The following ARHGEF26 variants were observed in gnomAD, a reference collection of about 807,000 sequenced individuals.
ARHGEF26 encodes Rho guanine nucleotide exchange factor 26.
ARHGEF26 carries 59 observed loss-of-function variants against 89.4 expected under a neutral mutation model. The observed-to-expected ratio is 0.66, with a 90% CI of 0.54 to 0.82. ARHGEF26 has a LOEUF of 0.82. Among genes scored for constraint, ARHGEF26 ranks in the 40% least tolerant of loss-of-function variants. The pLI is 0.00. For missense variants in ARHGEF26, 1,234 were observed against 1,085.6 expected, an observed-to-expected ratio of 1.14 and a Z score of -1.92; for synonymous variants, 500 against 428.4, an observed-to-expected ratio of 1.17 and a Z score of -2.06.
At chr3:154,143,957 G>T (rs1298295954) in intron 4 of ARHGEF26, among the ~76,000 whole-genome samples, 2 of 152,182 alleles carry the variant, frequency 1.3e-5, no homozygotes, top group South Asian at 2.1e-4. Flanking sequence ...AGGCTCAGTA[G>T]CCCACAGCGG....
At chr3:154,187,230 C>T (rs1408198487) in intron 6 of ARHGEF26, 1 of 983,964 alleles carries the variant, frequency 1.0e-6, no homozygotes, top group Non-Finnish European at 1.2e-6. Context: ...AGGTGTTTTG[C>T]TCATGTATTT....
chr3:154,216,489 T>TC (rs1715738267), intron 9 of ARHGEF26, among the ~76,000 whole-genome samples: 2 of 27,000 alleles, frequency 7.4e-5, no homozygotes, highest in Non-Finnish European at 6.3e-5. Context: ...TTTTTTTTTT[T>TC]TTATTTTTTT....
At chr3:154,165,005 C>G (rs373033240) in intron 6 of ARHGEF26, among the ~76,000 whole-genome samples, 7 of 152,084 alleles carry the variant, frequency 4.6e-5, no homozygotes, top group African/African-American at 1.7e-4. Flanking sequence ...TTTAGGAAGA[C>G]TGGTTTAAAA....
chr3:154,169,553 G>A (rs1012656896), intron 6 of ARHGEF26, among the ~76,000 whole-genome samples: 7 of 152,108 alleles, frequency 4.6e-5, no homozygotes, highest in Non-Finnish European at 8.8e-5. Flanking sequence ...AAAGCATCGT[G>A]CAAAACTGTT....
At position 154,235,767 on chromosome 3, in the gene ARHGEF26, T is replaced by A. The variant is rs190903789; in HGVS notation, c.2091-4603T>A. 1.9e-3 allele frequency among the ~76,000 whole-genome samples: 294 copies of A among 151,970 alleles called. 1 individual carries two copies. Among genetic ancestry groups the A allele is most frequent in the African/African-American group, 7.0e-3 (289 of 41,300 alleles). Reference sequence around the variant, plus strand: ...TCCCTCCTTTTTAAACAAAAAAAAATATATAAAACACTTCAGATTACCCAA... The same window carrying A: ...TCCCTCCTTTTTAAACAAAAAAAAAAATATAAAACACTTCAGATTACCCAA... On this transcript the variant is annotated intron_variant, in intron 11 of 14. Coordinates refer to ENST00000465093, the MANE Select transcript of ARHGEF26 (RefSeq NM_015595.4).
In ARHGEF26 at chr3:154,194,712, T is replaced by C; in HGVS notation, c.1839T>C (p.Val613=). 1 of 1,611,888 alleles carries C rather than the reference T, an allele frequency of 6.2e-7. No individual in the cohort carries two copies. Among genetic ancestry groups the C allele is most frequent in the South Asian group, 1.1e-5 (1 of 90,404 alleles). The change falls in exon 9 of 15, where the codon GTT becomes GTC. Residue 613 remains valine, a synonymous_variant. Coordinates refer to ENST00000465093, the MANE Select transcript of ARHGEF26 (RefSeq NM_015595.4). ...TCTGCAAAAGAGCCTTGAAGGAAGT[T>C]AGCAAGGTAACTGTTGGGTGACAGT... ...YEVCKRALKE[V]SKLVRLCNEG...
chr3:154,124,334 A>G (rs1252105559), intron 2 of ARHGEF26, 76 bp from the exon 3 acceptor site: 1 of 916,676 alleles, frequency 1.1e-6, no homozygotes, highest in South Asian at 1.7e-5. Flanking sequence ...AAATAGCTGT[A>G]TTTTCTATTT....
intron 4 of ARHGEF26, among the ~76,000 whole-genome samples, chr3:154,144,184 C>G (rs1719559388): frequency 2.0e-5 from 3 of 152,170 alleles, no homozygotes; most frequent in African/African-American, 7.2e-5. Context: ...CTCTTAAAAA[C>G]TCTGAAGTTT....
At chr3:154,142,115 G>A (rs1019732533) in intron 4 of ARHGEF26, among the ~76,000 whole-genome samples, 51 of 152,124 alleles carry the variant, frequency 3.4e-4, no homozygotes, top group African/African-American at 1.1e-3. Context: ...TGAAGATGAG[G>A]AAAGTTTTGT....
chr3:154,236,383 A>G (rs1461486778), intron 11 of ARHGEF26, among the ~76,000 whole-genome samples: 1 of 152,248 alleles, frequency 6.6e-6, no homozygotes, highest in Non-Finnish European at 1.5e-5. Context: ...TGCACAAAGC[A>G]GACGCCTTGA....
chr3:154,213,808 T>G (rs1357223115), intron 9 of ARHGEF26, among the ~76,000 whole-genome samples: 1 of 152,150 alleles, frequency 6.6e-6, no homozygotes, highest in African/African-American at 2.4e-5. Flanking sequence ...ATAAATTGTT[T>G]CTTTTTTTTA....
chr3:154,199,769 A>G (rs1426662072), intron 9 of ARHGEF26, among the ~76,000 whole-genome samples: 1 of 152,180 alleles, frequency 6.6e-6, no homozygotes, highest in African/African-American at 2.4e-5. Context: ...AACTGGAATA[A>G]GATGATATCT....
At chr3:154,238,676 G>A (rs537424653) in intron 11 of ARHGEF26, among the ~76,000 whole-genome samples, 21 of 152,186 alleles carry the variant, frequency 1.4e-4, no homozygotes, top group South Asian at 4.1e-4. Flanking sequence ...TATTCCTAGC[G>A]TATATTAGAA....
intron 9 of ARHGEF26, among the ~76,000 whole-genome samples, chr3:154,216,482 T>TTA (rs1559905498): frequency 7.1e-5 from 2 of 28,230 alleles, no homozygotes; most frequent in East Asian, 0.031. Flanking sequence ...GCACTTGTTT[T>TTA]TTTTTTTTTA....
chr3:154,141,211 C>T (rs774825269), intron 4 of ARHGEF26, among the ~76,000 whole-genome samples: 6 of 152,124 alleles, frequency 3.9e-5, no homozygotes, highest in Admixed American at 1.3e-4. Context: ...GTTTTCCGCC[C>T]GCCTCGGCCT....
intron 6 of ARHGEF26, among the ~76,000 whole-genome samples, chr3:154,166,272 G>T (rs897004708): frequency 4.6e-5 from 7 of 152,002 alleles, no homozygotes; most frequent in African/African-American, 9.7e-5. Context: ...GAATGGTCTC[G>T]ATCTCCTGAC....
intron 12 of ARHGEF26, among the ~76,000 whole-genome samples, chr3:154,241,360 G>A (rs1717471961): frequency 6.6e-6 from 1 of 152,046 alleles, no homozygotes; most frequent in South Asian, 2.1e-4. Flanking sequence ...TCAGATTCCT[G>A]CCTCCAACTC....
At chr3:154,188,237 T>C (rs1713716484) in intron 7 of ARHGEF26, among the ~76,000 whole-genome samples, 1 of 152,224 alleles carries the variant, frequency 6.6e-6, no homozygotes, top group Admixed American at 6.5e-5. Flanking sequence ...TTTTCTCTAC[T>C]ATTCTGATCT....
At chr3:154,216,509 A>ATTTTTTTTTTTTTTTTT (rs1273722931) in intron 9 of ARHGEF26, among the ~76,000 whole-genome samples, 1 of 26,346 alleles carries the variant, frequency 3.8e-5, no homozygotes, top group African/African-American at 1.0e-4. Flanking sequence ...TTTATTTTTT[A>ATTTTTTTTTTTTTTTTT]TTTTTTTTTT....
Sources: gnomAD v4.1 joint callset for allele counts (sites outside exome capture counted in the v4.1 genomes callset) on GRCh38, gnomAD v4.1.1 for gene constraint, MANE v1.5 for transcripts, NCBI Gene and HGNC (gene_info 2026-07-23, HGNC 2026-07-21) for gene names.